The following VGLL4 variants were observed in gnomAD, a reference collection of about 807,000 sequenced individuals.
The protein encoded by VGLL4 is vestigial like family member 4.
A neutral mutation model predicts 21.0 loss-of-function variants in VGLL4; 7 were observed. That is an observed-to-expected ratio of 0.33 (90% confidence interval 0.19 to 0.63). The LOEUF is 0.63. VGLL4 is among the 20% of genes least tolerant of loss of function. The pLI is 0.78. For missense variants in VGLL4, 394 were observed against 425.7 expected (o/e 0.93, Z 0.66); for synonymous variants, 222 against 173.2 (o/e 1.28, Z -2.21).
chr3:11,699,495 A>G lies in VGLL4; in HGVS notation c.64+3476T>C, dbSNP rs555029898. The G allele has an allele frequency of 3.9e-5, 6 of 152,314 alleles. No homozygotes were observed. The East Asian group carries it at 1.2e-3, about 29-fold the overall frequency. 9.4% of individuals were successfully genotyped at this position (152,314 alleles called of 1,614,324 possible). On this transcript the variant is annotated intron_variant, in intron 2 of 5. Coordinates refer to the VGLL4 transcript ENST00000273038. ...ATTATGCCAGCCCATCTCTAAAGCA[A>G]CTGGAGTCATTTGAGTCAAAAGAAT...
rs1575331346 is a variant in VGLL4 at position 11,557,177 on chromosome 3, C to A, written c.*1379G>T. The A allele has an allele frequency of 6.5e-6, 1 of 152,852 alleles. No individual in the cohort carries two copies. The highest frequency in any genetic ancestry group is 1.9e-4 in the East Asian group (1 of 5,302). 9.5% of individuals were successfully genotyped at this position (152,852 alleles called of 1,614,324 possible). ...GACCAAAAAGGAGCAGCTGTGACCT[C>A]CACAGCTGTGTCTGTCATGCTTGCT... On this transcript the variant is annotated 3_prime_UTR_variant, in exon 5 of 5. Coordinates refer to ENST00000430365, the MANE Select transcript of VGLL4 (RefSeq NM_001128219.3).
At chr3:11,675,781 A>G (rs1254596726) in intron 2 of VGLL4, among the ~76,000 whole-genome samples, 2 of 152,242 alleles carry the variant, frequency 1.3e-5, no homozygotes, top group East Asian at 1.9e-4. Context: ...AATACATTAT[A>G]TAAGTTATAC....
chr3:11,669,183 AG>A (rs2076170432), intron 2 of VGLL4, among the ~76,000 whole-genome samples: 1 of 152,218 alleles, frequency 6.6e-6, no homozygotes, highest in Non-Finnish European at 1.5e-5. Flanking sequence ...AATACAACTC[AG>A]GGATAGAATT....
chr3:11,710,123 G>A (rs1236087459), intron 1 of VGLL4, among the ~76,000 whole-genome samples: 4 of 152,246 alleles, frequency 2.6e-5, no homozygotes, highest in South Asian at 2.1e-4. Flanking sequence ...GAGAACTCAC[G>A]CATCACCAAG....
At chr3:11,638,819 C>G (rs57697599) in intron 1 of VGLL4, among the ~76,000 whole-genome samples, 519 of 152,236 alleles carry the variant, frequency 3.4e-3, no homozygotes, top group African/African-American at 0.012. Context: ...TCCACTCAAC[C>G]GCTGGTGGTT....
At chr3:11,606,819 C>T (rs566203148) in intron 1 of VGLL4, among the ~76,000 whole-genome samples, 2 of 152,324 alleles carry the variant, frequency 1.3e-5, no homozygotes, top group Admixed American at 6.5e-5. Context: ...CAGCAACCCA[C>T]TCAAGTCCCC....
intron 1 of VGLL4, among the ~76,000 whole-genome samples, chr3:11,602,286 C>T (rs1194117740): frequency 6.6e-6 from 1 of 152,100 alleles, no homozygotes; most frequent in Non-Finnish European, 1.5e-5. Context: ...AATAAAATAG[C>T]AGGGGGGAGG....
intron 2 of VGLL4, among the ~76,000 whole-genome samples, chr3:11,575,222 G>A (rs73123098): frequency 0.013 from 1,962 of 152,280 alleles, 46 homozygotes; most frequent in African/African-American, 0.044. Flanking sequence ...TCTGTGGTGC[G>A]AGAGGGAAGG....
At chr3:11,583,395 C>G (rs1321280066) in intron 2 of VGLL4, among the ~76,000 whole-genome samples, 1 of 152,186 alleles carries the variant, frequency 6.6e-6, no homozygotes, top group South Asian at 2.1e-4. Flanking sequence ...GAATCACTGT[C>G]TATAGCAACA....
intron 2 of VGLL4, among the ~76,000 whole-genome samples, chr3:11,670,217 G>A (rs1326531762): frequency 6.6e-6 from 1 of 151,652 alleles, no homozygotes; most frequent in Non-Finnish European, 1.5e-5. Flanking sequence ...CTTGGCACTT[G>A]AGGCACCTCC....
chr3:11,635,127 G>A (rs557865442), intron 1 of VGLL4, among the ~76,000 whole-genome samples: 16 of 152,320 alleles, frequency 1.1e-4, no homozygotes, highest in Non-Finnish European at 2.1e-4. Context: ...ATTCAACAGA[G>A]TTGTGGGAGC....
At chr3:11,615,535 A>C (rs991742893) in intron 1 of VGLL4, among the ~76,000 whole-genome samples, 6 of 152,352 alleles carry the variant, frequency 3.9e-5, no homozygotes, top group African/African-American at 1.4e-4. Context: ...CAGAGCCTGC[A>C]GTACACACAG....
chr3:11,599,212 G>A (rs997697406), intron 2 of VGLL4, among the ~76,000 whole-genome samples: 17 of 151,930 alleles, frequency 1.1e-4, no homozygotes, highest in African/African-American at 4.1e-4. Flanking sequence ...ACACTCAGAA[G>A]GACCTAACCA....
intron 2 of VGLL4, among the ~76,000 whole-genome samples, chr3:11,591,559 A>G (rs997886966): frequency 4.6e-5 from 7 of 152,244 alleles, no homozygotes; most frequent in Non-Finnish European, 1.0e-4. Context: ...AGCTCTTAAG[A>G]GCACAGCTCC....
chr3:11,633,746 G>A (rs1168795535), intron 1 of VGLL4: 1 of 152,144 alleles, frequency 6.6e-6, no homozygotes, highest in African/African-American at 2.4e-5. Context: ...TTGCCCTTGA[G>A]GGACTAATAG....
rs988610449 is a variant in VGLL4, at chr3:11,706,766, A to G, written c.-13-3719T>C. 7.2e-5 allele frequency among the ~76,000 whole-genome samples: 5 copies of G among 69,422 alleles called. No homozygotes were observed. In the Admixed American group the frequency reaches 8.4e-4, roughly 12 times the overall value. The allele number at this position is 69,422 out of a possible 152,430, so 45.5% of individuals were successfully genotyped here. On this transcript the variant is annotated intron_variant, in intron 1 of 5. Transcript: ENST00000273038. ...TCTTATCCCCAGTGCAGTCATCCTG[A>G]GTCAACAACAGTCTGAGAAAAGGCA...
At chr3:11,661,464 T>TTTAC (rs2076037570) in intron 2 of VGLL4, among the ~76,000 whole-genome samples, 1 of 151,204 alleles carries the variant, frequency 6.6e-6, no homozygotes, top group South Asian at 2.1e-4. Flanking sequence ...TATTTATTTA[T>TTTAC]CTATTTATTT....
At chr3:11,709,501 C>T (rs1205004875) in intron 1 of VGLL4, among the ~76,000 whole-genome samples, 3 of 150,266 alleles carry the variant, frequency 2.0e-5, no homozygotes, top group African/African-American at 7.4e-5. Flanking sequence ...CACTGCAAAC[C>T]AGTTTCTGGT....
intron 2 of VGLL4, among the ~76,000 whole-genome samples, chr3:11,593,802 C>A (rs6769430): frequency 6.6e-6 from 1 of 152,050 alleles, no homozygotes; most frequent in African/African-American, 2.4e-5. Flanking sequence ...ACACCAGGAC[C>A]GTGTTTCAAA....
Sources: gnomAD v4.1 joint callset for allele counts (sites outside exome capture counted in the v4.1 genomes callset) on GRCh38, gnomAD v4.1.1 for gene constraint, MANE v1.5 for transcripts, NCBI Gene and HGNC (gene_info 2026-07-23, HGNC 2026-07-21) for gene names.